The following GPATCH2 variants were observed in gnomAD, a reference collection of about 807,000 sequenced individuals.
GPATCH2 encodes G patch domain-containing protein 2.
A neutral mutation model predicts 58.0 loss-of-function variants in GPATCH2; 51 were observed. The ratio of observed to expected loss-of-function variants is 0.88; its 90% CI spans 0.70 to 1.11. The LOEUF is 1.11. Ranked by LOEUF, GPATCH2 falls within the 50% of genes most tolerant of loss-of-function variation. The pLI, the probability that GPATCH2 is intolerant of heterozygous loss-of-function variation, is 0.00. For missense variants in GPATCH2, 625 were observed against 652.2 expected, an observed-to-expected ratio of 0.96 and a Z score of 0.45; for synonymous variants, 222 against 218.5, an observed-to-expected ratio of 1.02 and a Z score of -0.14.
intron 9 of GPATCH2, among the ~76,000 whole-genome samples, chr1:217,448,913 G>C (rs906739612): frequency 5.3e-5 from 8 of 152,002 alleles, no homozygotes; most frequent in African/African-American, 1.9e-4. Context: ...ATCTCTTCTG[G>C]GGTTATTTGT....
intron 8 of GPATCH2, among the ~76,000 whole-genome samples, chr1:217,464,884 A>T (rs960327366): frequency 6.6e-6 from 1 of 152,164 alleles, no homozygotes; most frequent in Non-Finnish European, 1.5e-5. Context: ...TAAAAGGAAA[A>T]AATAAGGTCC....
At chr1:217,612,838 T>C (rs1015673930) in intron 3 of GPATCH2, among the ~76,000 whole-genome samples, 9 of 152,198 alleles carry the variant, frequency 5.9e-5, no homozygotes, top group Non-Finnish European at 1.5e-5. Flanking sequence ...ACTTCAACTC[T>C]ATTAGAGTCA....
intron 8 of GPATCH2, among the ~76,000 whole-genome samples, chr1:217,455,264 C>T (rs145137731): frequency 1.3e-5 from 2 of 152,284 alleles, no homozygotes; most frequent in East Asian, 3.9e-4. Context: ...GCCTTGACCT[C>T]CTAGATGCTC....
At chr1:217,512,934 T>C (rs140318708) in intron 6 of GPATCH2, among the ~76,000 whole-genome samples, 1 of 152,202 alleles carries the variant, frequency 6.6e-6, no homozygotes, top group South Asian at 2.1e-4. Context: ...AAACTGGATA[T>C]ATGCGTTGTG....
At chr1:217,558,755 C>T in intron 5 of GPATCH2, among the ~76,000 whole-genome samples, 1 of 152,018 alleles carries the variant, frequency 6.6e-6, no homozygotes, top group East Asian at 1.9e-4. Context: ...TGAGAGCAGC[C>T]TGGGCAACAG....
chr1:217,449,766 C>T (rs926866806), intron 8 of GPATCH2, among the ~76,000 whole-genome samples: 12 of 152,080 alleles, frequency 7.9e-5, no homozygotes, highest in South Asian at 4.1e-4. Context: ...TAGGATATTA[C>T]GCAGCAGTGA....
chr1:217,481,402 C>G (rs967769980), intron 8 of GPATCH2, among the ~76,000 whole-genome samples: 16 of 152,108 alleles, frequency 1.1e-4, no homozygotes, highest in South Asian at 2.1e-4. Context: ...CAGAGGTCAA[C>G]AGAAGACAGC....
At position 217,611,038 on chromosome 1, in the gene GPATCH2, T is replaced by C; in HGVS notation, c.869A>G (p.Lys290Arg). The part of the protein sequence containing the change: ...DDEQSDWFYE[K>R]ESGGACGITG... ...GATACCACATGCTCCACCTGATTCC[T>C]TTTCGTAGAACCAGTCACTCTGTTC... The change falls in exon 4 of 10, where the codon AAG becomes AGG. Residue 290 changes from lysine to arginine, a missense_variant. Coordinates refer to ENST00000366935, the MANE Select transcript of GPATCH2 (RefSeq NM_018040.5). 1.9e-6 allele frequency: 3 copies of C among 1,613,368 alleles called. No homozygotes were observed. The highest frequency in any genetic ancestry group is 2.5e-6 in the Non-Finnish European group (3 of 1,179,638).
At position 217,620,239 on chromosome 1, in the gene GPATCH2, TTCTC is replaced by T. The variant is rs778770473; in HGVS notation, c.313_316del (p.Glu105IlefsTer17). ...GTGATCTTTTTTATTATTATTGTGA[TTCTC>T]TCTATAGTCCTTGCTTGGTTCTTCT... On this transcript the variant is annotated frameshift_variant, in exon 2 of 10. Coordinates refer to ENST00000366935, the MANE Select transcript of GPATCH2 (RefSeq NM_018040.5). LOFTEE classifies it high-confidence loss of function. 1.2e-6 allele frequency: 2 copies of T among 1,613,844 alleles called. No homozygotes were observed. The highest frequency in any genetic ancestry group is 1.7e-6 in the Non-Finnish European group (2 of 1,179,764).
At chr1:217,538,460 G>T (rs536109616) in intron 5 of GPATCH2, among the ~76,000 whole-genome samples, 27 of 152,216 alleles carry the variant, frequency 1.8e-4, no homozygotes, top group African/African-American at 6.3e-4. Flanking sequence ...TAGTCTGAAG[G>T]GTCAAAATGG....
chr1:217,521,760 C>T (rs975760716), intron 5 of GPATCH2, among the ~76,000 whole-genome samples: 9 of 151,990 alleles, frequency 5.9e-5, no homozygotes, highest in African/African-American at 1.7e-4. Flanking sequence ...AATCTAAATA[C>T]GTGATTACAT....
intron 8 of GPATCH2, among the ~76,000 whole-genome samples, chr1:217,473,013 C>T (rs543337298): frequency 6.8e-4 from 103 of 152,258 alleles, no homozygotes; most frequent in Middle Eastern, 3.4e-3. Context: ...AGCTGTGGTG[C>T]GACTGGGCAT....
intron 8 of GPATCH2, among the ~76,000 whole-genome samples, chr1:217,457,544 T>G (rs1378877082): frequency 7.9e-5 from 12 of 152,000 alleles, no homozygotes. Context: ...TTACCTAGAG[T>G]CACAGATGGA....
At chr1:217,599,471 A>T (rs948665312) in intron 5 of GPATCH2, among the ~76,000 whole-genome samples, 4 of 152,226 alleles carry the variant, frequency 2.6e-5, no homozygotes, top group Non-Finnish European at 5.9e-5. Flanking sequence ...TAGATGTGGC[A>T]AGAGTGGAGG....
intron 5 of GPATCH2, among the ~76,000 whole-genome samples, chr1:217,589,432 T>A (rs925576829): frequency 1.3e-5 from 2 of 152,128 alleles, no homozygotes; most frequent in Non-Finnish European, 2.9e-5. Context: ...TCAAGTTCTA[T>A]CTCCTAGAAA....
rs1266252658 is a variant in GPATCH2, at chr1:217,631,046, C to G, written c.-75G>C. The G allele has an allele frequency of 3.6e-6, 5 of 1,382,460 alleles. No individual in the cohort carries two copies. The African/African-American group carries it at 4.3e-5, about 12-fold the overall frequency. The allele number at this position is 1,382,460 out of a possible 1,614,324, so 85.6% of individuals were successfully genotyped here. On this transcript the variant is annotated 5_prime_UTR_variant, in exon 1 of 10. Transcript: ENST00000366935. ...CCAACTACAACAGCACCGGCGACTT[C>G]CAAAGAGCAGTTCAGCATTTTGAGA... is the stretch of plus-strand genomic sequence containing the variant.
chr1:217,566,280 A>T (rs990762304), intron 5 of GPATCH2, among the ~76,000 whole-genome samples: 2 of 152,168 alleles, frequency 1.3e-5, no homozygotes, highest in Non-Finnish European at 2.9e-5. Context: ...CAGAAAAAAG[A>T]TATAAAATAA....
chr1:217,491,955 CT>C (rs1661766021), intron 7 of GPATCH2, among the ~76,000 whole-genome samples: 1 of 144,562 alleles, frequency 6.9e-6, no homozygotes. Context: ...ACAAGTTTTT[CT>C]TTTTAAAATT....
At chr1:217,554,912 G>C (rs1665546978) in intron 5 of GPATCH2, among the ~76,000 whole-genome samples, 2 of 152,090 alleles carry the variant, frequency 1.3e-5, no homozygotes, top group Admixed American at 1.3e-4. Context: ...AAAATTTTTT[G>C]AGAGCTTTTG....
Sources: allele counts gnomAD v4.1 joint callset (sites outside exome capture counted in the v4.1 genomes callset), GRCh38; gene constraint gnomAD v4.1.1; transcripts MANE v1.5; gene names NCBI Gene and HGNC (gene_info 2026-07-23, HGNC 2026-07-21).